SYNPO: variants seen among roughly 807,000 people sequenced by gnomAD.
SYNPO encodes the protein synaptopodin.
SYNPO carries 19 observed loss-of-function variants against 49.5 expected under a neutral mutation model. That is an observed-to-expected ratio of 0.38 (90% CI 0.27 to 0.56). The LOEUF is 0.56. SYNPO is among the 20% of genes least tolerant of loss of function. The pLI is 0.68. For synonymous variants in SYNPO, 536 were observed against 548.0 expected, an observed-to-expected ratio of 0.98 and a Z score of 0.31; for missense variants, 1,131 against 1,248.3, an observed-to-expected ratio of 0.91 and a Z score of 1.42.
At chr5:150,591,022 G>T in the SYNPO span, among the ~76,000 whole-genome samples, 1 of 152,156 alleles carries the variant, frequency 6.6e-6, no homozygotes, top group Non-Finnish European at 1.5e-5. Context: ...TGAGCCTCAG[G>T]GTTAGAGGGG....
chr5:150,650,683 G>A, intron 2 of SYNPO: 1 of 1,400,192 alleles, frequency 7.1e-7, no homozygotes, highest in Middle Eastern at 2.6e-4. Flanking sequence ...CTGGGGGAGT[G>A]GCCTAGAAGG....
chr5:150,646,320 C>T (rs1212698643), intron 1 of SYNPO, among the ~76,000 whole-genome samples: 1 of 151,896 alleles, frequency 6.6e-6, no homozygotes, highest in Non-Finnish European at 1.5e-5. Context: ...GCCTGGGCAA[C>T]AGAGCAAGAC....
In SYNPO at chr5:150,650,175, C is replaced by T; in HGVS notation, c.1900C>T (p.Pro634Ser). The part of the protein sequence containing the change: ...YTSPGQDSLQ[P>S]TAVSPPYGGD... ...CTCCCCCGGCCAGGACAGCCTGCAGCCCACTGCCGTGAGCCCTCCTTACGG... is the reference window on the plus strand; with the variant it reads ...CTCCCCCGGCCAGGACAGCCTGCAGTCCACTGCCGTGAGCCCTCCTTACGG... The change falls in exon 2 of 3, where the codon CCC (proline) becomes TCC (serine). Residue 634 changes from proline to serine, a missense_variant. By Grantham distance (74) the Pro-to-Ser change is moderately conservative (BLOSUM62 -1). Transcript: ENST00000307662. 2 of 1,613,982 alleles carry T rather than the reference C, an allele frequency of 1.2e-6. No individual in the cohort carries two copies. Among genetic ancestry groups the T allele is most frequent in the South Asian group, 1.1e-5 (1 of 91,076 alleles).
chr5:150,654,460 G>A (rs1758492412), intron 2 of SYNPO, among the ~76,000 whole-genome samples: 1 of 152,026 alleles, frequency 6.6e-6, no homozygotes, highest in Non-Finnish European at 1.5e-5. Flanking sequence ...AAATGGGTGT[G>A]GTAATGCTAA....
At chr5:150,628,066 G>GTGTGTGTGTGTGT (rs1561643374) in intron 2 of SYNPO, among the ~76,000 whole-genome samples, 3 of 150,302 alleles carry the variant, frequency 2.0e-5, no homozygotes, top group African/African-American at 7.4e-5. Flanking sequence ...GTGTGTGTGT[G>GTGTGTGTGTGTGT]GTCAGAGTCT....
intron 2 of SYNPO, among the ~76,000 whole-genome samples, chr5:150,630,063 G>A (rs572813111): frequency 6.6e-6 from 1 of 152,154 alleles, no homozygotes; most frequent in African/African-American, 2.4e-5. Context: ...GCCTCACTGG[G>A]TCTAGGGTCC....
At chr5:150,619,627 A>G (rs1428393160) in intron 2 of SYNPO, among the ~76,000 whole-genome samples, 2 of 152,166 alleles carry the variant, frequency 1.3e-5, no homozygotes, top group African/African-American at 4.8e-5. Context: ...GGACGTGAGC[A>G]GGGCCATGCT....
intron 2 of SYNPO, among the ~76,000 whole-genome samples, chr5:150,620,909 C>CTTTCTTTCTTTA (rs1757139952): frequency 8.0e-6 from 1 of 124,258 alleles, no homozygotes; most frequent in Non-Finnish European, 1.6e-5. Flanking sequence ...CTCTTTCTTT[C>CTTTCTTTCTTTA]TTTCTTTCTT....
At chr5:150,587,001 T>C in the SYNPO span, among the ~76,000 whole-genome samples, 1 of 151,976 alleles carries the variant, frequency 6.6e-6, no homozygotes, top group Non-Finnish European at 1.5e-5. Context: ...TATGGGTGCA[T>C]GGATGGATAT....
the SYNPO span, among the ~76,000 whole-genome samples, chr5:150,588,842 C>CA: frequency 2.1e-4 from 32 of 151,288 alleles, no homozygotes; most frequent in Admixed American, 2.6e-4. Context: ...CACTTATTTA[C>CA]AAAAAAAAGG....
Position 150,656,736 on chromosome 5 carries a change from G to GGCGCCACCGCCC in SYNPO, c.2362_2373dup (p.Ala788_Pro791dup). On this transcript the variant is annotated inframe_insertion, in exon 3 of 3. Transcript: ENST00000307662. Reference sequence around the variant, plus strand: ...ACCCGCGGCCCTTCTCCCCGCCGAGGGCGCCACCGCCCCCGCCCCCGCCCC... The same window carrying GGCGCCACCGCCC: ...ACCCGCGGCCCTTCTCCCCGCCGAGGGCGCCACCGCCCGCGCCACCGCCCCCGCCCCCGCCCC... 1.5e-6 allele frequency: 2 copies of GGCGCCACCGCCC among 1,302,654 alleles called. No homozygotes were observed. Among genetic ancestry groups the GGCGCCACCGCCC allele is most frequent in the South Asian group, 2.2e-5 (1 of 44,888 alleles). The allele number at this position is 1,302,654 out of a possible 1,614,324, so 80.7% of individuals were successfully genotyped here.
rs1758167134 is a variant in SYNPO, at chr5:150,647,982, A to C, written c.-294A>C. On this transcript the variant is annotated 5_prime_UTR_variant, in exon 2 of 3. Transcript: ENST00000307662. ...CACTAGCCTCACGGAGAAGGATCTG[A>C]AAGAAGCCAAGGCGCGGAGCCAGCA... is the stretch of plus-strand genomic sequence containing the variant. 6.4e-7 allele frequency: 1 copy of C among 1,551,736 alleles called. No individual in the cohort carries two copies. The highest frequency in any genetic ancestry group is 1.4e-5 in the African/African-American group (1 of 73,042).
chr5:150,602,833 G>A (rs904051833), intron 1 of SYNPO, among the ~76,000 whole-genome samples: 1 of 152,094 alleles, frequency 6.6e-6, no homozygotes, highest in African/African-American at 2.4e-5. Flanking sequence ...GAGCCACCAC[G>A]TGTAGCCGCT....
At chr5:150,609,127 G>A (rs900938893) in intron 1 of SYNPO, among the ~76,000 whole-genome samples, 2 of 152,180 alleles carry the variant, frequency 1.3e-5, no homozygotes, top group African/African-American at 2.4e-5. Context: ...TACTCCCACC[G>A]TGGCCCATTT....
rs530718393 is a variant in SYNPO, at chr5:150,618,409, C to T, written c.42C>T (p.Ser14=). ...TCCCACCTCCGCCCCTTGCACCCAG[C>T]GAAGGGAGGCCTACCCCCTGCGCCT... The change falls in exon 2 of 3, where the codon AGC becomes AGT. Residue 14 remains serine (S), a synonymous_variant. Coordinates refer to the SYNPO transcript ENST00000394243. The T allele has an allele frequency of 1.1e-3, 1,647 of 1,551,528 alleles. 2 individuals are homozygous for T. Among genetic ancestry groups the T allele is most frequent in the African/African-American group, 4.9e-3 (358 of 73,154 alleles).
At chr5:150,624,036 G>A (rs1757264757) in intron 2 of SYNPO, among the ~76,000 whole-genome samples, 1 of 152,220 alleles carries the variant, frequency 6.6e-6, no homozygotes, top group African/African-American at 2.4e-5. Context: ...TGATGTACAT[G>A]GCCACTGCCA....
intron 1 of SYNPO, among the ~76,000 whole-genome samples, chr5:150,609,722 A>G (rs565086435): frequency 9.5e-4 from 138 of 145,472 alleles, no homozygotes; most frequent in African/African-American, 3.4e-3. Context: ...AACCGAAATC[A>G]TAGTATCCGT....
upstream of SYNPO, among the ~76,000 whole-genome samples, chr5:150,638,709 G>A (rs1010002766): frequency 3.3e-5 from 5 of 152,324 alleles, no homozygotes; most frequent in South Asian, 2.1e-4. Flanking sequence ...GAGGGGACCC[G>A]CAGATGACCT....
chr5:150,647,904 C>A (rs1212180270), intron 1 of SYNPO, 40 bp from the exon 2 acceptor site: 3 of 1,528,484 alleles, frequency 2.0e-6, no homozygotes, highest in Non-Finnish European at 2.7e-6. Flanking sequence ...TGTGTCACTG[C>A]ATTCCTGTTT....
Sources: allele counts gnomAD v4.1 joint callset (sites outside exome capture counted in the v4.1 genomes callset), GRCh38; gene constraint gnomAD v4.1.1; transcripts MANE v1.5; gene names NCBI Gene and HGNC (gene_info 2026-07-23, HGNC 2026-07-21).